The following RSBN1L variants were observed in gnomAD, a reference collection of about 807,000 sequenced individuals.
The protein encoded by RSBN1L is round spermatid basic protein 1 like, also known as lysine-specific demethylase RSBN1L.
A neutral mutation model predicts 67.7 loss-of-function variants in RSBN1L; 30 were observed. The ratio of observed to expected loss-of-function variants is 0.44; its 90% CI spans 0.33 to 0.60. RSBN1L has a LOEUF of 0.60. Among genes scored for constraint, RSBN1L ranks in the 20% least tolerant of loss-of-function variants. The probability of loss-of-function intolerance (pLI) is 0.02; values close to 1 mark genes in which losing one functional copy is unlikely to be tolerated. For missense variants in RSBN1L, 992 were observed against 1,031.7 expected (o/e 0.96, Z 0.53); for synonymous variants, 433 against 387.0 (o/e 1.12, Z -1.39).
chr7:77,718,035 AGAGATGTAGGAGAG>A (rs1791070807), intron 1 of RSBN1L, among the ~76,000 whole-genome samples: 1 of 152,170 alleles, frequency 6.6e-6, no homozygotes, highest in African/African-American at 2.4e-5. Flanking sequence ...GAAAGGGAGA[AGAGATGTAGGAGAG>A]GAGATATTTG....
chr7:77,779,223 T>A lies in RSBN1L; in HGVS notation c.*55T>A, dbSNP rs1791962377. ...TAAAAAAATTTAATGTAATAAAGAT[T>A]CATGAATTCTGAAAGCAAGCCAAGG... On this transcript the variant is annotated 3_prime_UTR_variant, in exon 8 of 8. Transcript: ENST00000334955. 1 of 1,272,594 alleles carries A rather than the reference T, an allele frequency of 7.9e-7. No individual in the cohort carries two copies. Among genetic ancestry groups the A allele is most frequent in the Admixed American group, 2.5e-5 (1 of 39,748 alleles). The allele number at this position is 1,272,594 out of a possible 1,614,324, so 78.8% of individuals were successfully genotyped here. A position where few individuals can be genotyped will look rare whatever the true frequency, so the allele number is the denominator to read the frequency against.
intron 6 of RSBN1L, among the ~76,000 whole-genome samples, chr7:77,777,560 A>G (rs1448701988): frequency 6.6e-6 from 1 of 151,702 alleles, no homozygotes; most frequent in African/African-American, 2.4e-5. Flanking sequence ...CATTCTCTTC[A>G]GGCTTGCATT....
chr7:77,708,290 G>A (rs1428458614), intron 1 of RSBN1L, among the ~76,000 whole-genome samples: 1 of 152,064 alleles, frequency 6.6e-6, no homozygotes, highest in East Asian at 1.9e-4. Context: ...AGAACCACTG[G>A]CTAAGATTGA....
intron 3 of RSBN1L, among the ~76,000 whole-genome samples, chr7:77,751,958 C>T (rs534709120): frequency 6.6e-6 from 1 of 152,240 alleles, no homozygotes; most frequent in South Asian, 2.1e-4. Context: ...TGTGACAGTA[C>T]ATTGATGTGC....
intron 1 of RSBN1L, among the ~76,000 whole-genome samples, chr7:77,705,042 C>T (rs1790868985): frequency 6.6e-6 from 1 of 151,850 alleles, no homozygotes; most frequent in Non-Finnish European, 1.5e-5. Context: ...TCTTCCTCTA[C>T]CCCAAACTAT....
At position 77,782,599 on chromosome 7, in the gene RSBN1L, C is replaced by T. The variant is rs1186573484; in HGVS notation, c.*3431C>T. 6.6e-6 allele frequency: 1 copy of T among 152,098 alleles called. No individual in the cohort carries two copies. The highest frequency in any genetic ancestry group is 1.5e-5 in the Non-Finnish European group (1 of 68,008). 9.4% of individuals were successfully genotyped at this position (152,098 alleles called of 1,614,324 possible). ...TTAAATAAACATTAAGTTGATTTTGCACAACACTGTATTTGTGTGTGTGCA... is the reference window on the plus strand; with the variant it reads ...TTAAATAAACATTAAGTTGATTTTGTACAACACTGTATTTGTGTGTGTGCA... On this transcript the variant is annotated 3_prime_UTR_variant, in exon 8 of 8. Coordinates refer to ENST00000334955, the MANE Select transcript of RSBN1L (RefSeq NM_198467.3).
intron 3 of RSBN1L, among the ~76,000 whole-genome samples, chr7:77,764,943 T>G (rs1402558654): frequency 6.6e-6 from 1 of 152,164 alleles, no homozygotes; most frequent in African/African-American, 2.4e-5. Flanking sequence ...GATTCTTAAT[T>G]TCTAGTAGTT....
At chr7:77,699,369 C>T (rs1790783687) in intron 1 of RSBN1L, among the ~76,000 whole-genome samples, 1 of 152,152 alleles carries the variant, frequency 6.6e-6, no homozygotes, top group Non-Finnish European at 1.5e-5. Context: ...CAATTAAGCT[C>T]CTGTATTTAT....
At chr7:77,734,953 C>T (rs979765956) in intron 1 of RSBN1L, among the ~76,000 whole-genome samples, 4 of 151,656 alleles carry the variant, frequency 2.6e-5, no homozygotes, top group African/African-American at 9.7e-5. Context: ...CGTTTATTCT[C>T]CCCTGTATCC....
chr7:77,779,002 A>G lies in RSBN1L; in HGVS notation c.2375A>G (p.His792Arg). 2 of 1,614,044 alleles carry G rather than the reference A, an allele frequency of 1.2e-6. No individual in the cohort carries two copies. The highest frequency in any genetic ancestry group is 1.7e-6 in the Non-Finnish European group (2 of 1,179,922). Reference protein sequence around the residue: ...DGKNVKAKLDHVQFAEFKIDM... With the variant: ...DGKNVKAKLDRVQFAEFKIDM... ...AAGAATGTTAAAGCAAAATTGGATC[A>G]TGTTCAATTTGCAGAATTTAAGATT... is the stretch of plus-strand genomic sequence containing the variant. Residue 792 changes from histidine to arginine, a missense_variant, in exon 8 of 8, where the codon CAT (histidine) becomes CGT (arginine). By Grantham distance (29) the His-to-Arg change is conservative. Around this residue, in one of 7 missense-constraint regions of RSBN1L, gnomAD observed 199 missense variants for 167.7 expected, o/e 1.19. Coordinates refer to ENST00000334955, the MANE Select transcript of RSBN1L (RefSeq NM_198467.3).
At chr7:77,713,345 T>C (rs930478497) in intron 1 of RSBN1L, among the ~76,000 whole-genome samples, 2 of 151,872 alleles carry the variant, frequency 1.3e-5, no homozygotes, top group African/African-American at 4.8e-5. Flanking sequence ...TTGGCTTTTA[T>C]TTCTCTCTCT....
intron 1 of RSBN1L, among the ~76,000 whole-genome samples, chr7:77,717,013 T>C (rs1791058303): frequency 1.3e-5 from 2 of 151,550 alleles, no homozygotes; most frequent in Middle Eastern, 3.4e-3. Flanking sequence ...CAGGCTGGAG[T>C]GCAGTGGCGT....
At chr7:77,725,428 G>C (rs550871086) in intron 1 of RSBN1L, among the ~76,000 whole-genome samples, 1 of 148,994 alleles carries the variant, frequency 6.7e-6, no homozygotes, top group South Asian at 2.1e-4. Flanking sequence ...TGTATTTTTA[G>C]TATGAACGGG....
chr7:77,744,066 C>G (rs772894928), intron 2 of RSBN1L, among the ~76,000 whole-genome samples: 10 of 151,606 alleles, frequency 6.6e-5, no homozygotes. Flanking sequence ...ATTTTTTTCT[C>G]TGTTGCCTTG....
chr7:77,753,300 CT>C lies in RSBN1L; in HGVS notation c.1344+3241del, dbSNP rs113136309. ...CATCCTTTGCCACGGTTAGTAGTGT[CT>C]TTTTCATTTAAGTCATTCTGGTGAC... On this transcript the variant is annotated intron_variant, in intron 3 of 7. Coordinates refer to ENST00000334955, the MANE Select transcript of RSBN1L (RefSeq NM_198467.3). Among the ~76,000 whole-genome samples, 12 of 152,284 alleles carry C rather than the reference CT, an allele frequency of 7.9e-5. 1 individual carries two copies. Among genetic ancestry groups the C allele is most frequent in the African/African-American group, 2.6e-4 (11 of 41,566 alleles).
intron 1 of RSBN1L, among the ~76,000 whole-genome samples, chr7:77,712,904 A>G (rs1757213330): frequency 6.6e-6 from 1 of 152,214 alleles, no homozygotes; most frequent in Non-Finnish European, 1.5e-5. Context: ...TTAAAGATAC[A>G]TACACTTTAA....
chr7:77,757,993 A>C (rs1011848939), intron 3 of RSBN1L, among the ~76,000 whole-genome samples: 1 of 117,108 alleles, frequency 8.5e-6, no homozygotes, highest in Non-Finnish European at 1.9e-5. Context: ...CTTGTGACAG[A>C]GTCTCACTGT....
chr7:77,728,521 G>C (rs1201302426), intron 1 of RSBN1L, among the ~76,000 whole-genome samples: 1 of 152,182 alleles, frequency 6.6e-6, no homozygotes, highest in South Asian at 2.1e-4. Flanking sequence ...CAGAAGACCC[G>C]TGGAGCTTGC....
In RSBN1L at chr7:77,773,138, A is replaced by G. The variant is rs941445579; in HGVS notation, c.1626-9A>G. ...TATATAAATGTAATTTTCTTTTTTT[A>G]AAAAACAGAACTACCAATGAAATAA... is the stretch of plus-strand genomic sequence containing the variant. On this transcript the variant is annotated splice_polypyrimidine_tract_variant and intron_variant, in intron 5 of 7. Coordinates refer to ENST00000334955, the MANE Select transcript of RSBN1L (RefSeq NM_198467.3). The G allele has an allele frequency of 1.3e-6, 2 of 1,528,162 alleles. No individual in the cohort carries two copies. The highest frequency in any genetic ancestry group is 1.8e-6 in the Non-Finnish European group (2 of 1,131,132). The allele number at this position is 1,528,162 out of a possible 1,614,324, so 94.7% of individuals were successfully genotyped here.
Sources: allele counts gnomAD v4.1 joint callset (sites outside exome capture counted in the v4.1 genomes callset), GRCh38; gene constraint gnomAD v4.1.1; regional missense constraint gnomAD v4.1.1; transcripts MANE v1.5; gene names NCBI Gene and HGNC (gene_info 2026-07-23, HGNC 2026-07-21).